The following AHRR variants were observed in gnomAD, a reference collection of about 807,000 sequenced individuals.
AHRR encodes aryl hydrocarbon receptor repressor.
Under a neutral mutation model 44.0 loss-of-function variants are expected in AHRR, and 28 were observed. The observed-to-expected ratio is 0.64, with a 90% CI of 0.47 to 0.87. The LOEUF (loss-of-function observed/expected upper bound fraction) is 0.87. Ranked by LOEUF, AHRR falls within the 40% of genes least tolerant of loss-of-function variation. The pLI, the probability that AHRR is intolerant of heterozygous loss-of-function variation, is 0.00. For missense variants in AHRR, 990 were observed against 953.9 expected (o/e 1.04, Z -0.50); for synonymous variants, 434 against 407.0 (o/e 1.07, Z -0.80).
In AHRR at chr5:383,553, G is replaced by A. The variant is rs890675972; in HGVS notation, c.351+6837G>A. On this transcript the variant is annotated intron_variant, in intron 4 of 10. Transcript: ENST00000684583. The surrounding 1 kb of genome is among the most constrained non-coding windows in gnomAD (Gnocchi z 4.0). ...TGTCTGGTACTAATATAGCATTCCA[G>A]CTTTCTTTTCTTTTTTTTTTTTTAA... is the stretch of plus-strand genomic sequence containing the variant. Among the ~76,000 whole-genome samples the A allele has an allele frequency of 1.3e-5, 2 of 151,066 alleles. No individual in the cohort carries two copies. Among genetic ancestry groups the A allele is most frequent in the Non-Finnish European group, 2.9e-5 (2 of 67,824 alleles).
intron 1 of AHRR, among the ~76,000 whole-genome samples, chr5:322,383 C>G (rs754818541): frequency 3.7e-4 from 56 of 152,136 alleles, no homozygotes; most frequent in Non-Finnish European, 6.6e-4. Flanking sequence ...CAGGGGCCAC[C>G]CTCTGACCTC....
chr5:376,847 A>G (rs533614459), intron 4 of AHRR, 131 bp downstream of exon 4: 9 of 798,436 alleles, frequency 1.1e-5, no homozygotes, highest in Middle Eastern at 3.3e-4. Flanking sequence ...TGTGAGGTTT[A>G]TAACTGTCAG....
chr5:402,709 C>T (rs956559424), intron 4 of AHRR, among the ~76,000 whole-genome samples: 11 of 152,182 alleles, frequency 7.2e-5, no homozygotes, highest in Non-Finnish European at 1.3e-4. Flanking sequence ...TTCCATGCAA[C>T]GCAGCAGTCC....
rs1194431675 is a variant in AHRR at position 338,009 on chromosome 5, G to A, written c.-10-5884G>A. Reference sequence around the variant, plus strand: ...TTATTAATGCAGATCAGGCAGGATGGAGAGTCTGGAGCCTACAGGCAACAA... The same window carrying A: ...TTATTAATGCAGATCAGGCAGGATGAAGAGTCTGGAGCCTACAGGCAACAA... On this transcript the variant is annotated intron_variant, in intron 1 of 10. Transcript: ENST00000684583. The surrounding 1 kb of genome is among the most constrained non-coding windows in gnomAD (Gnocchi z 4.1). 6.6e-6 allele frequency among the ~76,000 whole-genome samples: 1 copy of A among 152,228 alleles called. No individual in the cohort carries two copies. Among genetic ancestry groups the A allele is most frequent in the Non-Finnish European group, 1.5e-5 (1 of 68,032 alleles).
intron 5 of AHRR, among the ~76,000 whole-genome samples, chr5:415,304 C>T (rs145013373): frequency 1.4e-5 from 2 of 144,412 alleles, no homozygotes; most frequent in South Asian, 2.2e-4. Flanking sequence ...TCTGCCTGGT[C>T]GGGTGGGAGG....
intron 5 of AHRR, among the ~76,000 whole-genome samples, chr5:417,336 G>A (rs1051351096): frequency 6.7e-6 from 1 of 149,944 alleles, no homozygotes; most frequent in African/African-American, 2.5e-5. Context: ...TGGTCTGTAT[G>A]TGCAGGGCCT....
intron 8 of AHRR, among the ~76,000 whole-genome samples, chr5:429,538 T>C (rs1736627755): frequency 2.0e-5 from 3 of 152,194 alleles, no homozygotes; most frequent in Admixed American, 1.3e-4. Context: ...GGTGAGGTGC[T>C]CCTGCTCTGT....
chr5:355,500 C>G (rs1743008389), intron 3 of AHRR, among the ~76,000 whole-genome samples: 1 of 152,170 alleles, frequency 6.6e-6, no homozygotes, highest in Admixed American at 6.5e-5. Context: ...CGGCTTCCTC[C>G]CACCGACACC....
At chr5:389,894 G>C (rs1239318232) in intron 4 of AHRR, among the ~76,000 whole-genome samples, 2 of 124,810 alleles carry the variant, frequency 1.6e-5, no homozygotes, top group Non-Finnish European at 3.3e-5. Context: ...GGCAGGAAAG[G>C]AAAGGGTGGG....
rs1457774018 is a variant in AHRR at position 432,396 on chromosome 5, CAT to C, written c.909-66_909-65del. Reference sequence around the variant, plus strand: ...TCATTATTAATTTCTACCATCAAAACATGTTTCATCCACATGTCATCTTGTTC... The same window carrying C: ...TCATTATTAATTTCTACCATCAAAACGTTTCATCCACATGTCATCTTGTTC... On this transcript the variant is annotated intron_variant, in intron 8 of 10. Transcript: ENST00000684583. 4.7e-6 allele frequency: 7 copies of C among 1,492,340 alleles called. No homozygotes were observed. In the Admixed American group the frequency reaches 5.0e-5, roughly 11 times the overall value. 92.4% of individuals were successfully genotyped at this position (1,492,340 alleles called of 1,614,324 possible).
chr5:414,980 C>T (rs186345799), intron 5 of AHRR, among the ~76,000 whole-genome samples: 18 of 152,362 alleles, frequency 1.2e-4, no homozygotes, highest in South Asian at 8.3e-4. Context: ...AGGCGGGGGC[C>T]GTTGGAAACC....
intron 4 of AHRR, chr5:403,650 A>AAG (rs1735126606): frequency 1.9e-6 from 1 of 533,480 alleles, no homozygotes; most frequent in Admixed American, 2.8e-5. Context: ...AAAAAAAAAA[A>AAG]AAAAGTAACC....
intron 4 of AHRR, among the ~76,000 whole-genome samples, chr5:409,811 G>C (rs1455605516): frequency 6.6e-6 from 1 of 151,752 alleles, no homozygotes; most frequent in African/African-American, 2.4e-5. Context: ...TTTTCTTTAC[G>C]GGTTAGTGTT....
intron 1 of AHRR, among the ~76,000 whole-genome samples, chr5:330,980 C>T (rs1383304796): frequency 2.0e-5 from 3 of 149,186 alleles, no homozygotes; most frequent in Non-Finnish European, 4.4e-5. Flanking sequence ...GGGTTCATGC[C>T]GTTCTCCTGC....
At chr5:420,349 AG>A (rs1736015799) in intron 5 of AHRR, among the ~76,000 whole-genome samples, 1 of 152,232 alleles carries the variant, frequency 6.6e-6, no homozygotes, top group Admixed American at 6.5e-5. Flanking sequence ...CCCTGGCAAC[AG>A]GAAGTCAAGG....
chr5:437,626 C>G lies in AHRR; in HGVS notation c.*2792C>G, dbSNP rs1737147455. ...CGTCCTGCCCTGCAGCCTCCCAGAC[C>G]TTTAGATGCGCCCCTGCCCAAGGCC... is the stretch of plus-strand genomic sequence containing the variant. On this transcript the variant is annotated 3_prime_UTR_variant, in exon 11 of 11. Coordinates refer to ENST00000684583, the MANE Select transcript of AHRR (RefSeq NM_001377236.1). The G allele has an allele frequency of 6.6e-6, 1 of 152,442 alleles. No homozygotes were observed. Among genetic ancestry groups the G allele is most frequent in the Non-Finnish European group, 1.5e-5 (1 of 68,146 alleles). 9.4% of individuals were successfully genotyped at this position (152,442 alleles called of 1,614,324 possible). A position where few individuals can be genotyped will look rare whatever the true frequency, so the allele number is the denominator to read the frequency against.
intron 4 of AHRR, among the ~76,000 whole-genome samples, chr5:392,325 G>A (rs1198760137): frequency 6.8e-4 from 61 of 89,156 alleles, no homozygotes; most frequent in Middle Eastern, 6.7e-3. Context: ...GTGCACGGGC[G>A]CAGGGCGAGG....
At chr5:423,736 G>A in intron 6 of AHRR, 105 bp from the exon 7 acceptor site, 2 of 1,421,334 alleles carry the variant, frequency 1.4e-6, no homozygotes, top group Non-Finnish European at 1.9e-6. Context: ...ACAGTGATAG[G>A]GTTTACATGA....
intron 7 of AHRR, among the ~76,000 whole-genome samples, chr5:425,102 G>C (rs1282892213): frequency 6.6e-6 from 1 of 152,222 alleles, no homozygotes; most frequent in Admixed American, 6.5e-5. Context: ...CCTGGGCTCA[G>C]CTTTCCACCC....
Sources: gnomAD v4.1 joint callset for allele counts (sites outside exome capture counted in the v4.1 genomes callset) on GRCh38, gnomAD v4.1.1 for gene constraint, Gnocchi (gnomAD v3.1) non-coding constraint, MANE v1.5 for transcripts, NCBI Gene and HGNC (gene_info 2026-07-23, HGNC 2026-07-21) for gene names.